LRRTM4: variants seen among roughly 807,000 people sequenced by gnomAD.
The protein encoded by LRRTM4 is leucine rich repeat transmembrane neuronal 4, also known as leucine-rich repeat transmembrane neuronal protein 4.
A neutral mutation model predicts 47.6 loss-of-function variants in LRRTM4; 25 were observed. That is an observed-to-expected ratio of 0.53 (90% CI 0.38 to 0.73). LRRTM4 has a LOEUF of 0.73. Among genes scored for constraint, LRRTM4 ranks in the 30% least tolerant of loss-of-function variants. The pLI, the probability that LRRTM4 is intolerant of heterozygous loss-of-function variation, is 0.00. For missense variants in LRRTM4, 638 were observed against 713.4 expected, an observed-to-expected ratio of 0.89 and a Z score of 1.20; for synonymous variants, 311 against 269.5, an observed-to-expected ratio of 1.15 and a Z score of -1.51.
chr2:77,349,516 T>G (rs2104292921), intron 3 of LRRTM4, among the ~76,000 whole-genome samples: 1 of 152,194 alleles, frequency 6.6e-6, no homozygotes, highest in Admixed American at 6.5e-5. Flanking sequence ...GTCATATAAC[T>G]ATGAAGGTAA....
At chr2:76,833,705 T>A (rs969151358) in intron 3 of LRRTM4, among the ~76,000 whole-genome samples, 3 of 151,946 alleles carry the variant, frequency 2.0e-5, no homozygotes, top group Non-Finnish European at 2.9e-5. Flanking sequence ...CCTAAAGAAA[T>A]CTCATAATTG....
intron 3 of LRRTM4, among the ~76,000 whole-genome samples, chr2:77,417,571 G>A (rs1366419242): frequency 2.0e-5 from 3 of 152,124 alleles, no homozygotes; most frequent in Non-Finnish European, 4.4e-5. Context: ...CATAAAATAT[G>A]ATGAGTTCAT....
At chr2:76,888,157 G>A (rs1418833877) in intron 3 of LRRTM4, among the ~76,000 whole-genome samples, 1 of 150,524 alleles carries the variant, frequency 6.6e-6, no homozygotes, top group Non-Finnish European at 1.5e-5. Context: ...ATACATATTT[G>A]TGGGTGGATA....
chr2:76,866,194 A>G (rs1352575850), intron 3 of LRRTM4, among the ~76,000 whole-genome samples: 1 of 152,208 alleles, frequency 6.6e-6, no homozygotes, highest in Non-Finnish European at 1.5e-5. Context: ...CCAAAATTAA[A>G]TAACTGAATC....
chr2:77,230,828 A>G (rs2103969811), intron 3 of LRRTM4, among the ~76,000 whole-genome samples: 1 of 152,298 alleles, frequency 6.6e-6, no homozygotes, highest in South Asian at 2.1e-4. Flanking sequence ...TTTAAAAGAA[A>G]TAGTTATCAC....
At chr2:77,263,518 G>C (rs1675972062) in intron 3 of LRRTM4, among the ~76,000 whole-genome samples, 2 of 152,070 alleles carry the variant, frequency 1.3e-5, no homozygotes, top group Admixed American at 6.6e-5. Context: ...ACTATCTCCA[G>C]ATGGATAGTT....
intron 3 of LRRTM4, among the ~76,000 whole-genome samples, chr2:77,413,381 T>TTAGCTG (rs112447185): frequency 0.058 from 8,880 of 152,140 alleles, 880 homozygotes; most frequent in African/African-American, 0.2. Flanking sequence ...ATGTAACCAA[T>TTAGCTG]TAGCTGTAGC....
chr2:76,939,001 G>A (rs997968814), intron 3 of LRRTM4, among the ~76,000 whole-genome samples: 1 of 151,978 alleles, frequency 6.6e-6, no homozygotes, highest in Non-Finnish European at 1.5e-5. Flanking sequence ...TGAGGTTTGT[G>A]AGTAGGAGAT....
intron 3 of LRRTM4, among the ~76,000 whole-genome samples, chr2:77,105,413 C>G (rs1671068086): frequency 6.7e-6 from 1 of 149,866 alleles, no homozygotes; most frequent in South Asian, 2.1e-4. Context: ...GGACAAAAAA[C>G]CAAACACCGC....
chr2:77,046,926 G>A (rs1679254577), intron 3 of LRRTM4, among the ~76,000 whole-genome samples: 1 of 152,030 alleles, frequency 6.6e-6, no homozygotes. Context: ...CTGATACTTA[G>A]AAATGCAACT....
intron 3 of LRRTM4, among the ~76,000 whole-genome samples, chr2:77,353,582 G>T (rs2104300607): frequency 6.6e-6 from 1 of 152,230 alleles, no homozygotes; most frequent in South Asian, 2.1e-4. Context: ...GGGGGATAAT[G>T]ACACCATTGG....
At position 77,158,151 on chromosome 2, in the gene LRRTM4, C is replaced by A. The variant is rs138368240; in HGVS notation, c.1551+360167G>T. On this transcript the variant is annotated intron_variant, in intron 3 of 3. Coordinates refer to ENST00000409884, the MANE Select transcript of LRRTM4 (RefSeq NM_001134745.3). Reference sequence around the variant, plus strand: ...GGAGGTATGGAGAGAGGCTTCTGGCCAACTTCTCTCTCGAACTGTGTGGTG... The same window carrying A: ...GGAGGTATGGAGAGAGGCTTCTGGCAAACTTCTCTCTCGAACTGTGTGGTG... Among the ~76,000 whole-genome samples the A allele has an allele frequency of 2.8e-3, 419 of 152,140 alleles. 1 individual carries two copies. Among genetic ancestry groups the A allele is most frequent in the Middle Eastern group, 6.8e-3 (2 of 294 alleles).
chr2:77,461,355 A>T (rs1330712040), intron 3 of LRRTM4, among the ~76,000 whole-genome samples: 1 of 152,120 alleles, frequency 6.6e-6, no homozygotes, highest in Non-Finnish European at 1.5e-5. Flanking sequence ...ACTTGCCAGC[A>T]GCCCCAATAT....
intron 3 of LRRTM4, among the ~76,000 whole-genome samples, chr2:76,774,787 T>C (rs917439978): frequency 7.2e-5 from 11 of 152,228 alleles, no homozygotes; most frequent in Non-Finnish European, 1.3e-4. Flanking sequence ...AACATTTCTA[T>C]AGAGTACCAA....
Position 77,468,400 on chromosome 2 carries a change from G to A in LRRTM4, c.1551+49918C>T, listed in dbSNP as rs35776302. ...CATCATACACATTTCCTGTCTACAA[G>A]AAGACAAGAATGGGCAAAATAATCA... On this transcript the variant is annotated intron_variant, in intron 3 of 3. Coordinates refer to ENST00000409884, the MANE Select transcript of LRRTM4 (RefSeq NM_001134745.3). Among the ~76,000 whole-genome samples the A allele has an allele frequency of 1.8e-3, 277 of 152,226 alleles. 1 individual carries two copies. Among genetic ancestry groups the A allele is most frequent in the Non-Finnish European group, 2.9e-3 (199 of 68,012 alleles).
At chr2:77,265,196 G>GT (rs2104052074) in intron 3 of LRRTM4, among the ~76,000 whole-genome samples, 1 of 152,162 alleles carries the variant, frequency 6.6e-6, no homozygotes, top group Admixed American at 6.6e-5. Context: ...ATTTTCAGTT[G>GT]TATTTTAACT....
chr2:77,482,215 T>A (rs546755014), intron 3 of LRRTM4, among the ~76,000 whole-genome samples: 1 of 152,198 alleles, frequency 6.6e-6, no homozygotes, highest in Non-Finnish European at 1.5e-5. Context: ...TGGTGCTTTT[T>A]TCCAATATGA....
chr2:77,067,541 T>A (rs1573523735), intron 3 of LRRTM4, among the ~76,000 whole-genome samples: 2 of 151,886 alleles, frequency 1.3e-5, no homozygotes, highest in Non-Finnish European at 2.9e-5. Flanking sequence ...TTTTTAAGTA[T>A]CAGATGGAAT....
intron 3 of LRRTM4, among the ~76,000 whole-genome samples, chr2:77,090,903 A>G (rs376365871): frequency 4.6e-5 from 7 of 152,028 alleles, no homozygotes; most frequent in Admixed American, 6.5e-5. Flanking sequence ...AGCTTCAGGT[A>G]ACTCTCACAG....
Sources: allele counts gnomAD v4.1 joint callset (sites outside exome capture counted in the v4.1 genomes callset), GRCh38; gene constraint gnomAD v4.1.1; transcripts MANE v1.5; gene names NCBI Gene and HGNC (gene_info 2026-07-23, HGNC 2026-07-21).